Variants in GPR101 observed in about 807,000 individuals in gnomAD.
The protein encoded by GPR101 is probable G protein-coupled receptor 101.
A neutral mutation model predicts 16.4 loss-of-function variants in GPR101; 8 were observed. The ratio of observed to expected loss-of-function variants is 0.49; its 90% CI spans 0.29 to 0.88. The LOEUF is 0.88. Ranked by LOEUF, GPR101 falls within the 40% of genes least tolerant of loss-of-function variation. The pLI is 0.09. For missense variants in GPR101, 375 were observed against 411.7 expected, an observed-to-expected ratio of 0.91 and a Z score of 0.77; for synonymous variants, 155 against 168.7, an observed-to-expected ratio of 0.92 and a Z score of 0.63.
In GPR101 at chrX:137,025,846, TG is replaced by T. The variant is rs1927161547; in HGVS notation, c.*4301del. Among the ~76,000 whole-genome samples the T allele has an allele frequency of 8.8e-6, 1 of 113,100 alleles. No individual in the cohort carries two copies. The highest frequency in any genetic ancestry group is 1.9e-5 in the Non-Finnish European group (1 of 53,442). On this transcript the variant is annotated 3_prime_UTR_variant, in exon 2 of 2. Coordinates refer to ENST00000651716, the MANE Select transcript of GPR101 (RefSeq NM_054021.2). The stretch of plus-strand genomic sequence containing the variant: ...TTTGTTGCTTAGGGCAAAAGACTGC[TG>T]TAAGCAAGCTGGGCATTTGACGTAG...
Position 137,030,114 on chromosome X carries a change from T to C in GPR101, c.*34A>G, listed in dbSNP as rs776206341. On this transcript the variant is annotated 3_prime_UTR_variant, in exon 2 of 2. Coordinates refer to ENST00000651716, the MANE Select transcript of GPR101 (RefSeq NM_054021.2). ...AGAAATCTCCTCTTGTTTCTCGTGT[T>C]ATGGACAGTTCAAGGTTTGCCTTAG... 9.1e-7 allele frequency: 1 copy of C among 1,104,472 alleles called. No individual in the cohort carries two copies. The highest frequency in any genetic ancestry group is 2.2e-5 in the South Asian group (1 of 46,184). The allele number at this position is 1,104,472 out of a possible 1,213,427, so 91.0% of individuals were successfully genotyped here.
Position 137,025,145 on chromosome X carries a change from C to T in GPR101, c.*5003G>A, listed in dbSNP as rs1414687753. On this transcript the variant is annotated 3_prime_UTR_variant, in exon 2 of 2. Transcript: ENST00000651716. ...TTTAAGGAATGAAAGGCAACACTTCCTGCAACCCCACCTTGGCACTATTTT... is the reference window on the plus strand; with the variant it reads ...TTTAAGGAATGAAAGGCAACACTTCTTGCAACCCCACCTTGGCACTATTTT... Among the ~76,000 whole-genome samples the T allele has an allele frequency of 8.9e-6, 1 of 112,162 alleles. No homozygotes were observed. The highest frequency in any genetic ancestry group is 3.2e-5 in the African/African-American group (1 of 30,849).
chrX:137,031,894 G>C (rs1927275156), intron 1 of GPR101, among the ~76,000 whole-genome samples, 128 bp from the exon 2 acceptor site: 1 of 112,042 alleles, frequency 8.9e-6, no homozygotes, highest in Admixed American at 9.3e-5. Flanking sequence ...AGTGCGGGCA[G>C]CTTCTATGGC....
chrX:137,030,211 G>C lies in GPR101; in HGVS notation c.1464C>G (p.Pro488=), dbSNP rs373147876. 2 of 1,207,510 alleles carry C rather than the reference G, an allele frequency of 1.7e-6. No homozygotes were observed. Among genetic ancestry groups the C allele is most frequent in the African/African-American group, 3.5e-5 (2 of 57,716 alleles). The change falls in exon 2 of 2, where the codon CCC becomes CCG. Residue 488 remains proline (P), a synonymous_variant. Transcript: ENST00000651716. ...PPKEDSHPDL[P]GTEGGTEGKI... ...TGCCTTCAGTCCCACCCTCTGTTCC[G>C]GGCAGGTCTGGGTGGCTATCTTCTT...
rs1927255880 is a variant in GPR101, at chrX:137,031,147, A to G, written c.528T>C (p.Asp176=). ...TCATGGAGCAGAGAGCATTGCGCTCATCAAAGGCAGCCTGGCCCCAGCCGT... is the reference window on the plus strand; with the variant it reads ...TCATGGAGCAGAGAGCATTGCGCTCGTCAAAGGCAGCCTGGCCCCAGCCGT... The part of the protein sequence containing the change: ...PLYGWGQAAF[D]ERNALCSMIW... Residue 176 remains aspartate (D), a synonymous_variant, in exon 2 of 2, where the codon GAT becomes GAC. Transcript: ENST00000651716. 1 of 1,210,491 alleles carries G rather than the reference A, an allele frequency of 8.3e-7. No homozygotes were observed. The highest frequency in any genetic ancestry group is 3.0e-5 in the East Asian group (1 of 33,783).
At position 137,030,029 on chromosome X, in the gene GPR101, T is replaced by C; in HGVS notation, c.*119A>G. On this transcript the variant is annotated 3_prime_UTR_variant, in exon 2 of 2. Coordinates refer to ENST00000651716, the MANE Select transcript of GPR101 (RefSeq NM_054021.2). ...TACCTTGTGGTGAAGAGCATGTGTG[T>C]GCAACACCTTTGCCTGAAATGGTAT... 1.7e-6 allele frequency: 1 copy of C among 591,137 alleles called. No homozygotes were observed. Among genetic ancestry groups the C allele is most frequent in the Non-Finnish European group, 2.6e-6 (1 of 381,467 alleles). The allele number at this position is 591,137 out of a possible 1,213,427, so 48.7% of individuals were successfully genotyped here.
At position 137,024,120 on chromosome X, in the gene GPR101, A is replaced by C. The variant is rs1002786104; in HGVS notation, c.*6028T>G. Among the ~76,000 whole-genome samples the C allele has an allele frequency of 4.4e-5, 5 of 112,633 alleles. No individual in the cohort carries two copies. The highest frequency in any genetic ancestry group is 1.6e-4 in the African/African-American group (5 of 31,007). ...GCAAAAGAAAAAAAAAGGCATTGTAACCATTTTAGAAAGGATCCAATTAAA... is the reference window on the plus strand; with the variant it reads ...GCAAAAGAAAAAAAAAGGCATTGTACCCATTTTAGAAAGGATCCAATTAAA... On this transcript the variant is annotated 3_prime_UTR_variant, in exon 2 of 2. Transcript: ENST00000651716.
At position 137,027,764 on chromosome X, in the gene GPR101, G is replaced by A. The variant is rs971987228; in HGVS notation, c.*2384C>T. Among the ~76,000 whole-genome samples the A allele has an allele frequency of 3.6e-5, 4 of 112,522 alleles. No individual in the cohort carries two copies. Among genetic ancestry groups the A allele is most frequent in the Non-Finnish European group, 5.6e-5 (3 of 53,297 alleles). The stretch of plus-strand genomic sequence containing the variant: ...GCTGTTAAATGGACTTACCATACTT[G>A]TACAGGTTCTGGTTCCATTTTGATT... On this transcript the variant is annotated 3_prime_UTR_variant, in exon 2 of 2. Transcript: ENST00000651716.
rs1011500913 is a variant in GPR101, at chrX:137,025,836, A to G, written c.*4312T>C. On this transcript the variant is annotated 3_prime_UTR_variant, in exon 2 of 2. Coordinates refer to ENST00000651716, the MANE Select transcript of GPR101 (RefSeq NM_054021.2). ...TCTAGCCAGTTTTGTTGCTTAGGGCAAAAGACTGCTGTAAGCAAGCTGGGC... is the reference window on the plus strand; with the variant it reads ...TCTAGCCAGTTTTGTTGCTTAGGGCGAAAGACTGCTGTAAGCAAGCTGGGC... Among the ~76,000 whole-genome samples, 3 of 113,107 alleles carry G rather than the reference A, an allele frequency of 2.7e-5. No homozygotes were observed. The highest frequency in any genetic ancestry group is 9.6e-5 in the African/African-American group (3 of 31,165).
At chrX:137,032,387 C>A (rs1325566140) in intron 1 of GPR101, among the ~76,000 whole-genome samples, 1 of 111,410 alleles carries the variant, frequency 9.0e-6, no homozygotes, top group African/African-American at 3.3e-5. Context: ...CTATCTTTCT[C>A]ACAGTCTTGC....
intron 1 of GPR101, among the ~76,000 whole-genome samples, chrX:137,033,383 A>T (rs1022698373): frequency 9.1e-6 from 1 of 109,420 alleles, no homozygotes; most frequent in Admixed American, 9.9e-5. Flanking sequence ...AAAGAATGAG[A>T]TACATACAGA....
Position 137,030,042 on chromosome X carries a change from C to T in GPR101, c.*106G>A. On this transcript the variant is annotated 3_prime_UTR_variant, in exon 2 of 2. Coordinates refer to ENST00000651716, the MANE Select transcript of GPR101 (RefSeq NM_054021.2). Reference sequence around the variant, plus strand: ...AGAGCATGTGTGTGCAACACCTTTGCCTGAAATGGTATGGTTTGGCATTAA... The same window carrying T: ...AGAGCATGTGTGTGCAACACCTTTGTCTGAAATGGTATGGTTTGGCATTAA... The T allele has an allele frequency of 1.4e-6, 1 of 691,028 alleles. No individual in the cohort carries two copies. The highest frequency in any genetic ancestry group is 2.1e-6 in the Non-Finnish European group (1 of 468,082). The allele number at this position is 691,028 out of a possible 1,213,427, so 56.9% of individuals were successfully genotyped here. A position where few individuals can be genotyped will look rare whatever the true frequency, so the allele number is the denominator to read the frequency against.
Position 137,026,786 on chromosome X carries a change from T to C in GPR101, c.*3362A>G, listed in dbSNP as rs763555062. 9.0e-6 allele frequency among the ~76,000 whole-genome samples: 1 copy of C among 111,013 alleles called. No homozygotes were observed. The highest frequency in any genetic ancestry group is 1.9e-5 in the Non-Finnish European group (1 of 53,020). ...GGTATCCCGTCATCTCTAAATTGGA[T>C]TGGAGTTGGGTAGGAGACAGAAAAA... On this transcript the variant is annotated 3_prime_UTR_variant, in exon 2 of 2. Transcript: ENST00000651716.
chrX:137,030,381 G>GT lies in GPR101; in HGVS notation c.1293dup (p.Pro432ThrfsTer31). Reference sequence around the variant, plus strand: ...ATGATTATGGTGATCACCCACTGGGGTACCTGGGTTTCGACATCCACCCAC... The same window carrying GT: ...ATGATTATGGTGATCACCCACTGGGGTTACCTGGGTTTCGACATCCACCCAC... On this transcript the variant is annotated frameshift_variant, in exon 2 of 2. Transcript: ENST00000651716. LOFTEE classifies it high-confidence loss of function. 1.7e-6 allele frequency: 2 copies of GT among 1,209,989 alleles called. No individual in the cohort carries two copies. Among genetic ancestry groups the GT allele is most frequent in the Non-Finnish European group, 2.2e-6 (2 of 894,567 alleles).
Position 137,031,095 on chromosome X carries a change from T to C in GPR101, c.580A>G (p.Ile194Val), listed in dbSNP as rs763667501. The C allele has an allele frequency of 3.3e-6, 4 of 1,211,620 alleles. No homozygotes were observed. Among genetic ancestry groups the C allele is most frequent in the Middle Eastern group, 2.3e-4 (1 of 4,355 alleles). ...ACGATGAAGGACACCACGCTGAGAATAGTGTAGCTGGGGCTGGCCCCCCAG... is the reference window on the plus strand; with the variant it reads ...ACGATGAAGGACACCACGCTGAGAACAGTGTAGCTGGGGCTGGCCCCCCAG... ...MIWGASPSYT[I>V]LSVVSFIVIP... is the part of the protein sequence containing the mutation. Residue 194 changes from isoleucine (I) to valine (V), a missense_variant, in exon 2 of 2, where the codon ATT (isoleucine) becomes GTT (valine). By Grantham distance (29) the Ile-to-Val change is conservative. Coordinates refer to ENST00000651716, the MANE Select transcript of GPR101 (RefSeq NM_054021.2).
Position 137,030,465 on chromosome X carries a change from T to C in GPR101, c.1210A>G (p.Ile404Val). 1 of 1,211,442 alleles carries C rather than the reference T, an allele frequency of 8.3e-7. No homozygotes were observed. Among genetic ancestry groups the C allele is most frequent in the Non-Finnish European group, 1.1e-6 (1 of 895,392 alleles). ...QCKAAKVIFI[I>V]IFSYVLSLGP... ...AGGGATAGCACATAGGAGAAAATGA[T>C]GATGAAGATCACTTTAGCAGCTTTG... The change falls in exon 2 of 2, where the codon ATC (isoleucine) becomes GTC (valine). Residue 404 changes from isoleucine (I) to valine (V), a missense_variant. Physicochemically the swap from Ile to Val is conservative, Grantham distance 29. Transcript: ENST00000651716.
In GPR101 at chrX:137,030,429, A is replaced by C; in HGVS notation, c.1246T>G (p.Cys416Gly). ...CACACGGCCAGGACTGCTAAAAAGC[A>C]GTAGGGCCCCAGGGATAGCACATAG... ...FSYVLSLGPYCFLAVLAVWVD... is the reference protein window; with the variant it reads ...FSYVLSLGPYGFLAVLAVWVD... Residue 416 changes from cysteine (C) to glycine (G), a missense_variant, in exon 2 of 2, where the codon TGC becomes GGC. By Grantham distance (159) the Cys-to-Gly change is radical. Coordinates refer to ENST00000651716, the MANE Select transcript of GPR101 (RefSeq NM_054021.2). 2.5e-6 allele frequency: 3 copies of C among 1,211,815 alleles called. No individual in the cohort carries two copies. The highest frequency in any genetic ancestry group is 3.4e-6 in the Non-Finnish European group (3 of 895,514).
intron 1 of GPR101, 38 bp from the exon 2 acceptor site, chrX:137,031,804 C>T (rs1485307056): frequency 2.3e-5 from 13 of 561,641 alleles, no homozygotes; most frequent in Non-Finnish European, 3.5e-5. Flanking sequence ...AGTTAGTCAC[C>T]CGTCAAGGGG....
rs898675647 is a variant in GPR101 at position 137,024,257 on chromosome X, T to C, written c.*5891A>G. Among the ~76,000 whole-genome samples, 2 of 111,811 alleles carry C rather than the reference T, an allele frequency of 1.8e-5. No homozygotes were observed. The highest frequency in any genetic ancestry group is 6.5e-5 in the African/African-American group (2 of 30,733). On this transcript the variant is annotated 3_prime_UTR_variant, in exon 2 of 2. Transcript: ENST00000651716. ...GGGTGTGAGTGGGATTCTCTTCTTGTTGAGGGGAGGAAGATAAAGCCTACC... is the reference window on the plus strand; with the variant it reads ...GGGTGTGAGTGGGATTCTCTTCTTGCTGAGGGGAGGAAGATAAAGCCTACC...
Sources: gnomAD v4.1 joint callset for allele counts (sites outside exome capture counted in the v4.1 genomes callset) on GRCh38, gnomAD v4.1.1 for gene constraint, MANE v1.5 for transcripts, NCBI Gene and HGNC (gene_info 2026-07-23, HGNC 2026-07-21) for gene names.